LAMA4: variants seen among roughly 807,000 people sequenced by gnomAD.
LAMA4 encodes the protein laminin subunit alpha 4, also known as laminin subunit alpha-4.
In LAMA4, 127 loss-of-function variants were observed where a neutral mutation model predicts 207.1. The observed-to-expected ratio is 0.61, with a 90% confidence interval of 0.53 to 0.71. The LOEUF (loss-of-function observed/expected upper bound fraction) is 0.71. LAMA4 is among the 30% of genes least tolerant of loss of function. The pLI is 0.00. For synonymous variants in LAMA4, 761 were observed against 816.0 expected (o/e 0.93, Z 1.15); for missense variants, 2,093 against 2,246.5 (o/e 0.93, Z 1.38).
Position 112,175,343 on chromosome 6 carries a change from C to G in LAMA4, c.1327G>C (p.Val443Leu), listed in dbSNP as rs371650107. The G allele has an allele frequency of 1.9e-6, 3 of 1,614,144 alleles. No individual in the cohort carries two copies. Among genetic ancestry groups the G allele is most frequent in the Middle Eastern group, 1.7e-4 (1 of 6,054 alleles). Reference sequence around the variant, plus strand: ...TAAGCCTCATCTGCCTCCTCATCCACGAGCTCCCGTTGGGTGAAAAATGGT... The same window carrying G: ...TAAGCCTCATCTGCCTCCTCATCCAGGAGCTCCCGTTGGGTGAAAAATGGT... The part of the protein sequence containing the change: ...RQPFFTQREL[V>L]DEEADEAYEL... The change falls in exon 11 of 39, where the codon GTG becomes CTG. Residue 443 changes from valine (V) to leucine (L), a missense_variant. Val to Leu is a conservative substitution (Grantham distance 32, BLOSUM62 1). Transcript: ENST00000230538.
In LAMA4 at chr6:112,128,918, T is replaced by C. The variant is rs782528136; in HGVS notation, c.4287+4A>G. ...TAGGAAGTCAGAACGGCATTATCTT[T>C]TACCTTTTTATTCTGACTTGCTTTA... On this transcript the variant is annotated splice_donor_region_variant and intron_variant, in intron 31 of 38. Transcript: ENST00000230538. 3.7e-5 allele frequency: 59 copies of C among 1,612,114 alleles called. No individual in the cohort carries two copies. Among genetic ancestry groups the C allele is most frequent in the Non-Finnish European group, 4.8e-5 (56 of 1,178,560 alleles).
chr6:112,116,075 T>G, intron 35 of LAMA4, 82 bp from the exon 36 acceptor site: 1 of 1,361,474 alleles, frequency 7.3e-7, no homozygotes, highest in South Asian at 1.2e-5. Flanking sequence ...TTATATATAT[T>G]TTTATCTGTT....
chr6:112,124,809 T>C (rs1328652090), intron 31 of LAMA4, among the ~76,000 whole-genome samples: 1 of 150,666 alleles, frequency 6.6e-6, no homozygotes, highest in African/African-American at 2.4e-5. Context: ...CAGGCTGGAG[T>C]GCAGTGGCGC....
Position 112,241,766 on chromosome 6 carries a change from C to T in LAMA4, c.195+12190G>A, listed in dbSNP as rs115378035. ...GAGTCTGCAGGGAGAATGGGGACGT[C>T]GGCTCTGATAGAGAAGGAGACACAG... On this transcript the variant is annotated intron_variant, in intron 2 of 38. Coordinates refer to ENST00000230538, the MANE Select transcript of LAMA4 (RefSeq NM_001105206.3). Among the ~76,000 whole-genome samples the T allele has an allele frequency of 3.7e-3, 560 of 152,230 alleles. 3 individuals carry two copies. Among genetic ancestry groups the T allele is most frequent in the African/African-American group, 0.013 (539 of 41,548 alleles).
At chr6:112,234,261 C>T (rs1315173607) in intron 2 of LAMA4, 15 of 151,946 alleles carry the variant, frequency 9.9e-5, no homozygotes, top group South Asian at 2.1e-4. Flanking sequence ...TGAGTAACTG[C>T]GAGACTGGTT....
At chr6:112,231,676 G>T (rs1785570701) in intron 2 of LAMA4, among the ~76,000 whole-genome samples, 1 of 152,204 alleles carries the variant, frequency 6.6e-6, no homozygotes, top group Non-Finnish European at 1.5e-5. Context: ...ACCAGCATGT[G>T]TGCAGGTGTT....
At chr6:112,151,803 TG>T (rs565760070) in intron 16 of LAMA4, among the ~76,000 whole-genome samples, 121 of 152,276 alleles carry the variant, frequency 7.9e-4, no homozygotes, top group African/African-American at 2.8e-3. Flanking sequence ...TTTCAGATTA[TG>T]GAAGTTTCCT....
At chr6:112,158,432 C>T (rs1554337465) in intron 14 of LAMA4, 3 of 374,608 alleles carry the variant, frequency 8.0e-6, no homozygotes, top group East Asian at 1.2e-4. Flanking sequence ...GGAACAGACA[C>T]CCCCCTCTTC....
chr6:112,116,736 A>T (rs1025234331), intron 35 of LAMA4, among the ~76,000 whole-genome samples: 8 of 152,210 alleles, frequency 5.3e-5, no homozygotes, highest in African/African-American at 1.9e-4. Flanking sequence ...TAAATCATTT[A>T]AAATTTTTTC....
At chr6:112,189,291 G>A (rs1247481881) in intron 6 of LAMA4, 86 bp from the exon 7 acceptor site, 4 of 856,272 alleles carry the variant, frequency 4.7e-6, no homozygotes, top group Admixed American at 1.9e-5. Flanking sequence ...AGAAACACTA[G>A]CTATCAGTGT....
intron 2 of LAMA4, among the ~76,000 whole-genome samples, chr6:112,232,947 C>A (rs1785657622): frequency 6.6e-6 from 1 of 152,110 alleles, no homozygotes; most frequent in Admixed American, 6.6e-5. Context: ...TCCAAGGAAA[C>A]AAAATACCAT....
At chr6:112,212,623 TC>T (rs1202258367) in intron 3 of LAMA4, among the ~76,000 whole-genome samples, 3 of 152,226 alleles carry the variant, frequency 2.0e-5, no homozygotes, top group Non-Finnish European at 1.5e-5. Flanking sequence ...TTTCTGACTT[TC>T]TTTCAGAACT....
At chr6:112,225,408 T>G (rs1362209869) in intron 2 of LAMA4, among the ~76,000 whole-genome samples, 1 of 152,252 alleles carries the variant, frequency 6.6e-6, no homozygotes, top group Non-Finnish European at 1.5e-5. Flanking sequence ...TTAATGTATT[T>G]TGCATTAAAG....
At chr6:112,162,965 CTTTTTTTTTTTTT>C (rs34824903) in intron 13 of LAMA4, among the ~76,000 whole-genome samples, 7 of 91,248 alleles carry the variant, frequency 7.7e-5, no homozygotes, top group Admixed American at 3.8e-4. Flanking sequence ...CAGCTCAAAT[CTTTTTTTTTTTTT>C]TTTTTTTTTT....
chr6:112,136,079 A>G (rs1779321756), intron 25 of LAMA4, 44 bp downstream of exon 25: 2 of 1,579,132 alleles, frequency 1.3e-6, no homozygotes, highest in Admixed American at 1.7e-5. Flanking sequence ...AGATCTAAGT[A>G]TAAAGAACAA....
chr6:112,201,341 T>C (rs1783735105), intron 5 of LAMA4, among the ~76,000 whole-genome samples: 1 of 152,252 alleles, frequency 6.6e-6, no homozygotes, highest in South Asian at 2.1e-4. Context: ...CTTTTCAAAA[T>C]ACACATCCTC....
At position 112,187,517 on chromosome 6, in the gene LAMA4, C is replaced by T. The variant is rs782146639; in HGVS notation, c.899G>A (p.Ser300Asn). ...ATGAGCGGCGGCCCCAGAGGATACGCTCAGCACCCCGGATTTGCCTTCCTC... is the reference window on the plus strand; with the variant it reads ...ATGAGCGGCGGCCCCAGAGGATACGTTCAGCACCCCGGATTTGCCTTCCTC... ...SIEEGKSGVL[S>N]VSSGAAAHRH... Residue 300 changes from serine (S) to asparagine (N), a missense_variant, in exon 8 of 39, where the codon AGC (serine) becomes AAC (asparagine). Around this residue, in one of 3 missense-constraint regions of LAMA4, gnomAD observed 1,704 missense variants for 1,788.4 expected, o/e 0.95. Coordinates refer to ENST00000230538, the MANE Select transcript of LAMA4 (RefSeq NM_001105206.3). 44 of 1,614,126 alleles carry T rather than the reference C, an allele frequency of 2.7e-5. No individual in the cohort carries two copies. The South Asian group carries it at 4.8e-4, about 18-fold the overall frequency.
chr6:112,153,477 C>T (rs1780516083), intron 16 of LAMA4, among the ~76,000 whole-genome samples: 1 of 151,988 alleles, frequency 6.6e-6, no homozygotes, highest in Non-Finnish European at 1.5e-5. Context: ...ATTTATCAGA[C>T]ATAAAATATG....
chr6:112,172,478 A>G (rs1554342049), intron 12 of LAMA4, 133 bp downstream of exon 12: 3 of 829,136 alleles, frequency 3.6e-6, no homozygotes, highest in Admixed American at 4.5e-5. Context: ...AGCACCAAAA[A>G]ACACACCAAT....
Sources: allele counts gnomAD v4.1 joint callset (sites outside exome capture counted in the v4.1 genomes callset), GRCh38; gene constraint gnomAD v4.1.1; regional missense constraint gnomAD v4.1.1; transcripts MANE v1.5; gene names NCBI Gene and HGNC (gene_info 2026-07-23, HGNC 2026-07-21).